NAV1: variants seen among roughly 807,000 people sequenced by gnomAD.
NAV1 encodes pore membrane and/or filament interacting like protein 3.
A neutral mutation model predicts 175.2 loss-of-function variants in NAV1; 18 were observed. The ratio of observed to expected loss-of-function variants is 0.10; its 90% CI spans 0.07 to 0.15. The LOEUF (loss-of-function observed/expected upper bound fraction) is 0.15, where lower values mean the gene tolerates loss of function less well. NAV1 is among the 10% of genes least tolerant of loss of function. The probability of loss-of-function intolerance (pLI) is 1.00; values close to 1 mark genes in which losing one functional copy is unlikely to be tolerated. For synonymous variants in NAV1, 897 were observed against 978.7 expected, an observed-to-expected ratio of 0.92 and a Z score of 1.56; for missense variants, 1,731 against 2,436.6, an observed-to-expected ratio of 0.71 and a Z score of 6.10.
chr1:201,653,082 T>G (rs1669268046), intron 1 of NAV1, among the ~76,000 whole-genome samples: 1 of 152,224 alleles, frequency 6.6e-6, no homozygotes, highest in South Asian at 2.1e-4. Flanking sequence ...GAAGTATAGT[T>G]TCTACCAAAT....
intron 1 of NAV1, among the ~76,000 whole-genome samples, chr1:201,708,364 C>G (rs557940650): frequency 6.6e-6 from 1 of 152,062 alleles, no homozygotes; most frequent in Non-Finnish European, 1.5e-5. Context: ...GAGCTCCTCC[C>G]CATAGACCTT....
At chr1:201,744,334 A>G (rs1192300308) in intron 3 of NAV1, among the ~76,000 whole-genome samples, 2 of 151,728 alleles carry the variant, frequency 1.3e-5, no homozygotes, top group African/African-American at 2.4e-5. Flanking sequence ...TTATTTATTT[A>G]TTTATTTATT....
At chr1:201,689,742 TACA>T (rs567607927) in intron 1 of NAV1, among the ~76,000 whole-genome samples, 1 of 152,198 alleles carries the variant, frequency 6.6e-6, no homozygotes, top group African/African-American at 2.4e-5. Flanking sequence ...TTTTATTAAA[TACA>T]ACAACAACAA....
chr1:201,567,381 C>T (rs781494196), intron 1 of NAV1, among the ~76,000 whole-genome samples: 3 of 152,198 alleles, frequency 2.0e-5, no homozygotes, highest in Non-Finnish European at 4.4e-5. Flanking sequence ...TTGGAGCCCG[C>T]GCTGTAGGAG....
chr1:201,825,341 A>T (rs1313157058), exon 30 of NAV1: 2 of 152,090 alleles, frequency 1.3e-5, no homozygotes, highest in Admixed American at 6.5e-5. Context: ...AAAAAAAAAA[A>T]AAATCTAATT....
At chr1:201,791,191 T>G (rs757211926) in intron 13 of NAV1, 49 of 174,070 alleles carry the variant, frequency 2.8e-4, no homozygotes, top group Middle Eastern at 2.8e-3. Flanking sequence ...CACGTAACTG[T>G]GCAGGCACAT....
chr1:201,684,475 CTT>C (rs71138346), intron 1 of NAV1, among the ~76,000 whole-genome samples: 10 of 127,812 alleles, frequency 7.8e-5, no homozygotes, highest in Admixed American at 5.9e-4. Context: ...TTTATGCAGC[CTT>C]TTTTTTTTTT....
chr1:201,634,199 T>C (rs1428498494), intron 2 of NAV1, among the ~76,000 whole-genome samples: 1 of 152,124 alleles, frequency 6.6e-6, no homozygotes, highest in Non-Finnish European at 1.5e-5. Context: ...CCTCATAGGG[T>C]TTTGTGAGAA....
rs1460693437 is a variant in NAV1, at chr1:201,807,756, T to A, written c.3649-197T>A. 6.6e-6 allele frequency among the ~76,000 whole-genome samples: 1 copy of A among 152,164 alleles called. No homozygotes were observed. The highest frequency in any genetic ancestry group is 2.4e-5 in the African/African-American group (1 of 41,432). ...GGCTCGATCTCAGCTCACTGCAACC[T>A]CTGCCTCCACGGTCCTAATTTCTAG... is the stretch of plus-strand genomic sequence containing the variant. On this transcript the variant is annotated intron_variant, in intron 17 of 29. Coordinates refer to ENST00000367296, the Ensembl canonical transcript of NAV1. The surrounding 1 kb of genome is among the most constrained non-coding windows in gnomAD (Gnocchi z 5.4).
chr1:201,588,148 A>G (rs911867975), intron 1 of NAV1, among the ~76,000 whole-genome samples: 1 of 152,226 alleles, frequency 6.6e-6, no homozygotes, highest in African/African-American at 2.4e-5. Context: ...ATAATAGCCA[A>G]AAAAGTGGAA....
chr1:201,541,034 G>C (rs562432549), intron 1 of NAV1, among the ~76,000 whole-genome samples: 1 of 152,342 alleles, frequency 6.6e-6, no homozygotes, highest in South Asian at 2.1e-4. Context: ...AACAGCCCCT[G>C]ATCTGAACTT....
Position 201,782,180 on chromosome 1 carries a change from A to T in NAV1, c.1668A>T (p.Lys556Asn), listed in dbSNP as rs1436994109. 7.6e-6 allele frequency: 12 copies of T among 1,576,968 alleles called. No individual in the cohort carries two copies. The highest frequency in any genetic ancestry group is 1.0e-5 in the Non-Finnish European group (12 of 1,162,120). Residue 556 changes from lysine (K) to asparagine (N), a missense_variant, in exon 6 of 30, where the codon AAA (lysine) becomes AAT (asparagine). Lys to Asn is a moderately conservative substitution (Grantham distance 94, BLOSUM62 0). This residue lies in a region of NAV1 where 634 missense variants were observed against 766.8 expected (regional missense o/e 0.83). Coordinates refer to ENST00000367296, the Ensembl canonical transcript of NAV1. The surrounding 1 kb of genome is among the most constrained non-coding windows in gnomAD (Gnocchi z 5.4). Reference sequence around the variant, plus strand: ...TCATTTCCCGTCCTCTTGCAGGCAAACCTGAGGGCAAAGCTACAGACAAGG... The same window carrying T: ...TCATTTCCCGTCCTCTTGCAGGCAATCCTGAGGGCAAAGCTACAGACAAGG...
At chr1:201,581,421 G>A (rs749874031) in intron 1 of NAV1, among the ~76,000 whole-genome samples, 7 of 152,246 alleles carry the variant, frequency 4.6e-5, no homozygotes, top group Non-Finnish European at 8.8e-5. Flanking sequence ...TGTGTTGACT[G>A]TGCGGAGTCT....
chr1:201,779,936 A>G (rs1238607342), intron 3 of NAV1, among the ~76,000 whole-genome samples: 1 of 152,192 alleles, frequency 6.6e-6, no homozygotes, highest in South Asian at 2.1e-4. Flanking sequence ...CGGAGGCTCA[A>G]TGAGAAATGA....
intron 17 of NAV1, among the ~76,000 whole-genome samples, chr1:201,806,901 G>A (rs1052617211): frequency 3.9e-5 from 6 of 152,158 alleles, no homozygotes; most frequent in Middle Eastern, 3.2e-3. Context: ...CAGGAGAGAC[G>A]CTTAGAAAGC....
At chr1:201,648,448 T>C in exon 1 of NAV1, 3 of 1,232,174 alleles carry the variant, frequency 2.4e-6, no homozygotes, top group African/African-American at 1.6e-5. Context: ...TCTTTCCTTT[T>C]TCCCGGCTTC....
chr1:201,595,064 A>C (rs77885610), intron 2 of NAV1, among the ~76,000 whole-genome samples: 7,283 of 152,304 alleles, frequency 0.048, 195 homozygotes, highest in Middle Eastern at 0.071. Flanking sequence ...TGGACCTGCC[A>C]CGCCTGAGGA....
Position 201,649,520 on chromosome 1 carries a change from C to T in NAV1, c.757+95C>T. On this transcript the variant is annotated intron_variant, in intron 1 of 29. Transcript: ENST00000367296. Reference sequence around the variant, plus strand: ...GAAAGCGAAGCCCCCTCCCCTTGCGCCTTCCCGGAGGGCCCTCCTGTTCAC... The same window carrying T: ...GAAAGCGAAGCCCCCTCCCCTTGCGTCTTCCCGGAGGGCCCTCCTGTTCAC... 2.8e-6 allele frequency: 4 copies of T among 1,433,116 alleles called. No individual in the cohort carries two copies. The South Asian group carries it at 6.0e-5, about 21-fold the overall frequency. 88.8% of individuals were successfully genotyped at this position (1,433,116 alleles called of 1,614,324 possible).
Position 201,718,907 on chromosome 1 carries a change from T to A in NAV1, c.1226+152T>A. 1.9e-6 allele frequency: 2 copies of A among 1,035,660 alleles called. No individual in the cohort carries two copies. The highest frequency in any genetic ancestry group is 2.8e-6 in the Non-Finnish European group (2 of 714,608). The allele number at this position is 1,035,660 out of a possible 1,614,324, so 64.2% of individuals were successfully genotyped here. ...AAGTGTGCTGTGTACACTTTGTGAT[T>A]GCCTCTGAAATTCGATGTGGTTTAT... On this transcript the variant is annotated intron_variant, in intron 3 of 29. Coordinates refer to ENST00000367296, the Ensembl canonical transcript of NAV1. The surrounding 1 kb of genome is among the most constrained non-coding windows in gnomAD (Gnocchi z 4.8).
Sources: gnomAD v4.1 joint callset for allele counts (sites outside exome capture counted in the v4.1 genomes callset) on GRCh38, gnomAD v4.1.1 for gene constraint, gnomAD v4.1.1 regional missense constraint, Gnocchi (gnomAD v3.1) non-coding constraint, MANE v1.5 for transcripts, NCBI Gene and HGNC (gene_info 2026-07-23, HGNC 2026-07-21) for gene names.